FHL5: variants seen among roughly 807,000 people sequenced by gnomAD.
FHL5 encodes four and a half LIM domains 5, also known as four and a half LIM domains protein 5.
A neutral mutation model predicts 32.0 loss-of-function variants in FHL5; 33 were observed. That is an observed-to-expected ratio of 1.03 (90% CI 0.78 to 1.38). The LOEUF (loss-of-function observed/expected upper bound fraction) is 1.38, where lower values mean the gene tolerates loss of function less well. Among genes scored for constraint, FHL5 ranks in the 40% most tolerant of loss-of-function variants. The pLI, the probability that FHL5 is intolerant of heterozygous loss-of-function variation, is 0.00. For missense variants in FHL5, 336 were observed against 343.9 expected (o/e 0.98, Z 0.18); for synonymous variants, 114 against 113.6 (o/e 1.00, Z -0.02).
At chr6:96,564,148 A>T (rs1770304239) in intron 1 of FHL5, among the ~76,000 whole-genome samples, 1 of 152,184 alleles carries the variant, frequency 6.6e-6, no homozygotes, top group Admixed American at 6.5e-5. Context: ...GAAACTAAAA[A>T]GAATTATTAA....
intron 1 of FHL5, among the ~76,000 whole-genome samples, chr6:96,565,828 TA>T (rs1490149464): frequency 3.9e-5 from 6 of 152,136 alleles, no homozygotes; most frequent in Non-Finnish European, 8.8e-5. Flanking sequence ...ACATGACTTC[TA>T]AGATTTTTTT....
intron 1 of FHL5, among the ~76,000 whole-genome samples, chr6:96,601,112 G>A (rs1771139389): frequency 6.6e-6 from 1 of 152,016 alleles, no homozygotes; most frequent in African/African-American, 2.4e-5. Context: ...GAGGTGAGCG[G>A]ATCTTGAGGT....
intron 5 of FHL5, among the ~76,000 whole-genome samples, chr6:96,612,758 T>G (rs1258430572): frequency 1.3e-5 from 2 of 152,192 alleles, no homozygotes; most frequent in Non-Finnish European, 2.9e-5. Flanking sequence ...TTTTTAACTT[T>G]GTGATTGAGA....
intron 1 of FHL5, among the ~76,000 whole-genome samples, chr6:96,567,550 C>T (rs1287405163): frequency 1.3e-5 from 2 of 151,766 alleles, no homozygotes; most frequent in Non-Finnish European, 3.0e-5. Context: ...GATAACATTG[C>T]ATTGAATTGG....
intron 1 of FHL5, among the ~76,000 whole-genome samples, chr6:96,593,318 T>C (rs1770961400): frequency 6.6e-6 from 1 of 152,148 alleles, no homozygotes; most frequent in Non-Finnish European, 1.5e-5. Context: ...GTTTCTATTC[T>C]TTATATTCCC....
chr6:96,607,279 T>C (rs567667208), intron 4 of FHL5, among the ~76,000 whole-genome samples: 1 of 144,786 alleles, frequency 6.9e-6, no homozygotes, highest in African/African-American at 2.9e-5. Context: ...TGGATTAGTA[T>C]AGTGGTTTCA....
chr6:96,584,985 C>G lies in FHL5; in HGVS notation c.-12-18617C>G, dbSNP rs567459326. Among the ~76,000 whole-genome samples, 11 of 151,956 alleles carry G rather than the reference C, an allele frequency of 7.2e-5. 1 individual carries two copies. Among genetic ancestry groups the G allele is most frequent in the Admixed American group, 1.3e-4 (2 of 15,258 alleles). On this transcript the variant is annotated intron_variant, in intron 1 of 5. Transcript: ENST00000450218. ...ATGCACTGCAGATGTTTTCAGCAACCCTTTGTAGAGAATAGAGCAGTATAC... is the reference window on the plus strand; with the variant it reads ...ATGCACTGCAGATGTTTTCAGCAACGCTTTGTAGAGAATAGAGCAGTATAC...
rs761983366 is a variant in FHL5 at position 96,605,945 on chromosome 6, CTG to C, written c.380_381del (p.Cys127PhefsTer4). 1 of 1,614,052 alleles carries C rather than the reference CTG, an allele frequency of 6.2e-7. No individual in the cohort carries two copies. The highest frequency in any genetic ancestry group is 2.2e-5 in the East Asian group (1 of 44,868). ...TTAAGGGAAACTACTGGCATGAAAC[CTG>C]TTTTGTGTGTGAGAATTGCCGACAA... ...EFKGNYWHET[C>X]FVCENCRQPI... On this transcript the variant is annotated frameshift_variant, in exon 4 of 6. Transcript: ENST00000450218. LOFTEE classifies it high-confidence loss of function.
At chr6:96,572,394 G>A (rs1482701956) in intron 1 of FHL5, among the ~76,000 whole-genome samples, 1 of 152,156 alleles carries the variant, frequency 6.6e-6, no homozygotes, top group Non-Finnish European at 1.5e-5. Flanking sequence ...AGGGGGAGGA[G>A]TTGGTAGAGC....
chr6:96,563,123 A>C (rs1265285289), upstream of FHL5: 1 of 152,148 alleles, frequency 6.6e-6, no homozygotes, highest in Admixed American at 6.5e-5. Flanking sequence ...GTGCTTTTTC[A>C]GCCCAGTAGG....
rs1470983711 is a variant in FHL5, at chr6:96,566,464, G to A, written c.-13+3109G>A. ...TGTGAGTAGTGCTGCAATAAACATG[G>A]GAATACAGATATCTCTTTAACATAC... On this transcript the variant is annotated intron_variant, in intron 1 of 5. Transcript: ENST00000450218. Among the ~76,000 whole-genome samples the A allele has an allele frequency of 4.0e-5, 6 of 151,842 alleles. No homozygotes were observed. The East Asian group carries it at 1.2e-3, about 29-fold the overall frequency.
At chr6:96,588,985 A>T (rs1028491456) in intron 1 of FHL5, among the ~76,000 whole-genome samples, 18 of 151,996 alleles carry the variant, frequency 1.2e-4, no homozygotes, top group African/African-American at 4.3e-4. Flanking sequence ...TTACTTCCAT[A>T]TTTTAAAGAC....
At chr6:96,582,395 CCTT>C (rs759153490) in intron 1 of FHL5, among the ~76,000 whole-genome samples, 15 of 151,878 alleles carry the variant, frequency 9.9e-5, no homozygotes, top group South Asian at 2.1e-4. Flanking sequence ...TTTTAAAAGC[CCTT>C]CTTTTTTATT....
intron 1 of FHL5, among the ~76,000 whole-genome samples, chr6:96,601,149 C>T (rs1040773626): frequency 6.6e-6 from 1 of 152,056 alleles, no homozygotes; most frequent in Non-Finnish European, 1.5e-5. Flanking sequence ...TCCTGGCCAA[C>T]ACGGTAAAAT....
At chr6:96,597,697 C>T (rs1233964417) in intron 1 of FHL5, among the ~76,000 whole-genome samples, 1 of 152,124 alleles carries the variant, frequency 6.6e-6, no homozygotes, top group East Asian at 1.9e-4. Flanking sequence ...ACAGTACTTA[C>T]TGTTTTCCAT....
intron 1 of FHL5, among the ~76,000 whole-genome samples, chr6:96,564,006 G>A (rs1770301257): frequency 1.3e-5 from 2 of 152,056 alleles, no homozygotes. Context: ...TGTTATTCAG[G>A]CAAAAAGCAT....
intron 1 of FHL5, among the ~76,000 whole-genome samples, chr6:96,567,609 A>G (rs1770384474): frequency 6.6e-6 from 1 of 151,784 alleles, no homozygotes. Flanking sequence ...ATTAATGTCT[A>G]CAATTCATGA....
intron 1 of FHL5, among the ~76,000 whole-genome samples, chr6:96,590,826 C>A (rs537496835): frequency 6.6e-6 from 1 of 152,136 alleles, no homozygotes; most frequent in Non-Finnish European, 1.5e-5. Flanking sequence ...GCCTTTTCTG[C>A]AGCTGCTGAG....
At position 96,610,736 on chromosome 6, in the gene FHL5, A is replaced by C. The variant is rs974370363; in HGVS notation, c.669A>C (p.Val223=). The change falls in exon 5 of 6, where the codon GTA becomes GTC. Residue 223 remains valine, a synonymous_variant. Transcript: ENST00000450218. ...CYNHLYANKC[V]ACSKPISGLT... is the part of the protein sequence containing the mutation. The stretch of plus-strand genomic sequence containing the variant: ...ACCATCTTTATGCCAACAAGTGTGT[A>C]GCCTGTTCCAAACCCATTAGTGGTG... 1 of 1,613,274 alleles carries C rather than the reference A, an allele frequency of 6.2e-7. No homozygotes were observed. The highest frequency in any genetic ancestry group is 1.3e-5 in the African/African-American group (1 of 74,928).
Sources: allele counts gnomAD v4.1 joint callset (sites outside exome capture counted in the v4.1 genomes callset), GRCh38; gene constraint gnomAD v4.1.1; transcripts MANE v1.5; gene names NCBI Gene and HGNC (gene_info 2026-07-23, HGNC 2026-07-21).